ATP23: variants seen among roughly 807,000 people sequenced by gnomAD.
ATP23 encodes mitochondrial inner membrane protease ATP23 homolog.
A neutral mutation model predicts 28.5 loss-of-function variants in ATP23; 24 were observed. The ratio of observed to expected loss-of-function variants is 0.84; its 90% CI spans 0.61 to 1.18. ATP23 has a LOEUF of 1.18. ATP23 is among the 50% of genes most tolerant of loss of function. The pLI is 0.00. For missense variants in ATP23, 274 were observed against 306.4 expected (o/e 0.89, Z 0.79); for synonymous variants, 99 against 108.6 (o/e 0.91, Z 0.55).
In ATP23 at chr12:57,947,079, A is replaced by T; in HGVS notation, c.315+3A>T. 6.2e-7 allele frequency: 1 copy of T among 1,613,676 alleles called. No homozygotes were observed. Among genetic ancestry groups the T allele is most frequent in the Non-Finnish European group, 8.5e-7 (1 of 1,179,778 alleles). ...GTTTTGATGCTTCAACATCTCAGGT[A>T]GGCATTATTGCCAAATTGTTTCCTT... On this transcript the variant is annotated splice_donor_region_variant and intron_variant, in intron 3 of 5. Coordinates refer to ENST00000300145, the MANE Select transcript of ATP23 (RefSeq NM_033276.4).
In ATP23 at chr12:57,956,823, A is replaced by C. The variant is rs1409109550; in HGVS notation, c.674A>C (p.Asn225Thr). The part of the protein sequence containing the change: ...DHEPFGRIPH[N>T]KTYARYAHRD... ...GAACCTTTTGGAAGGATCCCACATA[A>C]CAAGACTTATGCAAGATATGCTCAC... The change falls in exon 6 of 6, where the codon AAC becomes ACC. Residue 225 changes from asparagine to threonine, a missense_variant. By Grantham distance (65) the Asn-to-Thr change is moderately conservative. Transcript: ENST00000300145. 6.2e-7 allele frequency: 1 copy of C among 1,613,928 alleles called. No homozygotes were observed. The highest frequency in any genetic ancestry group is 1.7e-5 in the Admixed American group (1 of 60,012).
chr12:57,949,342 G>A (rs1222200827), intron 3 of ATP23, among the ~76,000 whole-genome samples: 2 of 152,108 alleles, frequency 1.3e-5, no homozygotes, highest in African/African-American at 2.4e-5. Context: ...CTTGGTCATA[G>A]AGCCCCTTCT....
rs1192463268 is a variant in ATP23 at position 57,941,671 on chromosome 12, G to T, written c.-31G>T. On this transcript the variant is annotated 5_prime_UTR_variant, in exon 1 of 6. The change creates a new upstream start codon in the 5' untranslated region. Transcript: ENST00000300145. ...AGTCTCGCTCTGGCCGCCTGAGCCA[G>T]GAGGAAGCAGCGGCGAGGTCTGCGG... is the stretch of plus-strand genomic sequence containing the variant. The T allele has an allele frequency of 6.3e-7, 1 of 1,597,290 alleles. No homozygotes were observed. Among genetic ancestry groups the T allele is most frequent in the Non-Finnish European group, 8.5e-7 (1 of 1,172,932 alleles).
Position 57,957,970 on chromosome 12 carries a change from G to A in ATP23, c.*1080G>A, listed in dbSNP as rs1639196367. Among the ~76,000 whole-genome samples, 2 of 152,336 alleles carry A rather than the reference G, an allele frequency of 1.3e-5. No homozygotes were observed. Among genetic ancestry groups the A allele is most frequent in the South Asian group, 4.1e-4 (2 of 4,828 alleles). On this transcript the variant is annotated 3_prime_UTR_variant, in exon 6 of 6. Coordinates refer to ENST00000300145, the MANE Select transcript of ATP23 (RefSeq NM_033276.4). ...AAGCTCTTTTCTTTCACAGCTGGGA[G>A]GTGGGTAGCCTGGGGCAAGTTTTCA...
intron 3 of ATP23, chr12:57,949,902 T>G (rs1197552931): frequency 6.6e-6 from 1 of 152,340 alleles, no homozygotes; most frequent in African/African-American, 2.4e-5. Flanking sequence ...GTTTTGCATA[T>G]CTCAGTGGAT....
Position 57,951,906 on chromosome 12 carries a change from T to G in ATP23, c.453+11T>G, listed in dbSNP as rs1166883579. 3 of 1,614,018 alleles carry G rather than the reference T, an allele frequency of 1.9e-6. No individual in the cohort carries two copies. The highest frequency in any genetic ancestry group is 2.5e-6 in the Non-Finnish European group (3 of 1,179,884). ...TTGGCGTGCTCAGAGGTGAGTTTTA[T>G]TGTATTTTTCTCCAGAATACTCTAT... On this transcript the variant is annotated intron_variant, in intron 4 of 5. Coordinates refer to ENST00000300145, the MANE Select transcript of ATP23 (RefSeq NM_033276.4).
At chr12:57,944,312 T>C (rs75896387) in intron 1 of ATP23, among the ~76,000 whole-genome samples, 1 of 152,020 alleles carries the variant, frequency 6.6e-6, no homozygotes, top group African/African-American at 2.4e-5. Context: ...GCCTTCAACA[T>C]TTTTTTTAAA....
At chr12:57,945,051 A>G (rs1287147542) in intron 1 of ATP23, among the ~76,000 whole-genome samples, 1 of 152,214 alleles carries the variant, frequency 6.6e-6, no homozygotes, top group African/African-American at 2.4e-5. Context: ...GTCTTTTGGT[A>G]TATACCGTAA....
chr12:57,941,600 G>A lies in ATP23; in HGVS notation c.-102G>A. On this transcript the variant is annotated 5_prime_UTR_variant, in exon 1 of 6. Transcript: ENST00000300145. ...CAGGCTGCCCTTCTTCCCTGCGGAG[G>A]GAGGGCCTGGGCGGTCGCGTTGGCG... The A allele has an allele frequency of 6.9e-7, 1 of 1,457,984 alleles. No homozygotes were observed. Among genetic ancestry groups the A allele is most frequent in the Non-Finnish European group, 9.1e-7 (1 of 1,098,240 alleles). The allele number at this position is 1,457,984 out of a possible 1,614,324, so 90.3% of individuals were successfully genotyped here. A position where few individuals can be genotyped will look rare whatever the true frequency, so the allele number is the denominator to read the frequency against.
rs1414445896 is a variant in ATP23 at position 57,958,854 on chromosome 12, T to C, written c.*1964T>C. ...TTTAACACCCACAAAAAAATCACAC[T>C]AGTTCACCAGCAATGGATTCAAACC... On this transcript the variant is annotated 3_prime_UTR_variant, in exon 6 of 6. Coordinates refer to ENST00000300145, the MANE Select transcript of ATP23 (RefSeq NM_033276.4). Among the ~76,000 whole-genome samples, 1 of 152,064 alleles carries C rather than the reference T, an allele frequency of 6.6e-6. No individual in the cohort carries two copies. The highest frequency in any genetic ancestry group is 1.5e-5 in the Non-Finnish European group (1 of 68,022).
At chr12:57,947,127 A>T (rs1956770323) in intron 3 of ATP23, 51 bp downstream of exon 3, 1 of 1,557,100 alleles carries the variant, frequency 6.4e-7, no homozygotes, top group African/African-American at 1.4e-5. Context: ...CTCTCTTTAT[A>T]TTTTTTGAGC....
chr12:57,954,659 T>C (rs898655688), intron 5 of ATP23, among the ~76,000 whole-genome samples: 1 of 152,180 alleles, frequency 6.6e-6, no homozygotes, highest in African/African-American at 2.4e-5. Context: ...TGTGTCCACA[T>C]TTAGGAGAAA....
chr12:57,956,218 C>T (rs1180969021), intron 5 of ATP23, among the ~76,000 whole-genome samples: 4 of 152,102 alleles, frequency 2.6e-5, no homozygotes, highest in African/African-American at 9.7e-5. Flanking sequence ...TTCCTGTTGC[C>T]TCCAGAGAGG....
chr12:57,947,353 G>A (rs1006194687), intron 3 of ATP23, among the ~76,000 whole-genome samples: 2 of 152,154 alleles, frequency 1.3e-5, no homozygotes, highest in East Asian at 3.9e-4. Flanking sequence ...TGATGTGATC[G>A]ATTGAAAGAT....
chr12:57,946,983 C>T lies in ATP23; in HGVS notation c.234-12C>T. On this transcript the variant is annotated splice_polypyrimidine_tract_variant and intron_variant, in intron 2 of 5. Transcript: ENST00000300145. ...CTGTTTCTGGACATTGTCTCCTTTT[C>T]TTGCCTTTTAGTGCTGTTAACAAAG... 1 of 1,613,316 alleles carries T rather than the reference C, an allele frequency of 6.2e-7. No homozygotes were observed. The highest frequency in any genetic ancestry group is 1.1e-5 in the South Asian group (1 of 90,970).
chr12:57,951,387 C>G (rs1956812728), intron 3 of ATP23, among the ~76,000 whole-genome samples: 1 of 152,158 alleles, frequency 6.6e-6, no homozygotes, highest in Non-Finnish European at 1.5e-5. Context: ...AGGGGTGGAG[C>G]TGGAATTTGA....
At chr12:57,954,161 C>T (rs1414611413) in intron 5 of ATP23, among the ~76,000 whole-genome samples, 1 of 140,136 alleles carries the variant, frequency 7.1e-6, no homozygotes, top group Admixed American at 7.5e-5. Context: ...TGCCACTGCA[C>T]TCCAGTCTGG....
At chr12:57,944,854 C>T (rs1956744386) in intron 1 of ATP23, among the ~76,000 whole-genome samples, 1 of 152,316 alleles carries the variant, frequency 6.6e-6, no homozygotes, top group Admixed American at 6.5e-5. Flanking sequence ...GTCTGTAGTA[C>T]CCTAGTCACC....
In ATP23 at chr12:57,958,598, G is replaced by A. The variant is rs1348585357; in HGVS notation, c.*1708G>A. 2.6e-5 allele frequency among the ~76,000 whole-genome samples: 4 copies of A among 152,172 alleles called. No homozygotes were observed. Among genetic ancestry groups the A allele is most frequent in the Admixed American group, 2.6e-4 (4 of 15,284 alleles). ...AACCCCCAGTACCAGCATGGAGCTGGGTAGACTCACTGGGTGGCTAGACCC... is the reference window on the plus strand; with the variant it reads ...AACCCCCAGTACCAGCATGGAGCTGAGTAGACTCACTGGGTGGCTAGACCC... On this transcript the variant is annotated 3_prime_UTR_variant, in exon 6 of 6. Transcript: ENST00000300145.
Sources: gnomAD v4.1 joint callset for allele counts (sites outside exome capture counted in the v4.1 genomes callset) on GRCh38, gnomAD v4.1.1 for gene constraint, MANE v1.5 for transcripts, NCBI Gene and HGNC (gene_info 2026-07-23, HGNC 2026-07-21) for gene names.